DENND2C: variants seen among roughly 807,000 people sequenced by gnomAD.
The protein encoded by DENND2C is DENN domain containing 2C.
In DENND2C, 72 loss-of-function variants were observed where a neutral mutation model predicts 112.4. The observed-to-expected ratio is 0.64, with a 90% CI of 0.53 to 0.78. DENND2C has a LOEUF of 0.78. Among genes scored for constraint, DENND2C ranks in the 30% least tolerant of loss-of-function variants. DENND2C has a pLI of 0.00. For missense variants in DENND2C, 992 were observed against 1,113.8 expected, an observed-to-expected ratio of 0.89 and a Z score of 1.56; for synonymous variants, 329 against 381.6, an observed-to-expected ratio of 0.86 and a Z score of 1.61.
chr1:114,668,313 T>C lies in DENND2C; in HGVS notation c.-574+1670A>G, dbSNP rs1026947264. Among the ~76,000 whole-genome samples, 7 of 152,132 alleles carry C rather than the reference T, an allele frequency of 4.6e-5. No homozygotes were observed. The East Asian group carries it at 1.3e-3, about 29-fold the overall frequency. On this transcript the variant is annotated intron_variant, in intron 1 of 20. Coordinates refer to ENST00000393274, the MANE Select transcript of DENND2C (RefSeq NM_001256404.2). ...ACTTCTAAAGCAACACACACAAAAA[T>C]TACATTCACTAGTAACTTTCCCTCT...
intron 2 of DENND2C, among the ~76,000 whole-genome samples, chr1:114,647,686 G>A (rs1368892251): frequency 6.6e-6 from 1 of 152,070 alleles, no homozygotes; most frequent in Admixed American, 6.6e-5. Context: ...CTCCCAAAGT[G>A]CTGAGATTAC....
chr1:114,602,097 C>A, intron 12 of DENND2C, 28 bp downstream of exon 12: 2 of 1,612,144 alleles, frequency 1.2e-6, no homozygotes, highest in Non-Finnish European at 1.7e-6. Flanking sequence ...TTGACCAACC[C>A]TGTCTGTAAC....
intron 1 of DENND2C, among the ~76,000 whole-genome samples, chr1:114,657,755 T>C (rs1570816223): frequency 1.3e-5 from 2 of 152,172 alleles, no homozygotes; most frequent in South Asian, 2.1e-4. Context: ...AATAGACGAA[T>C]AGACAATAGA....
chr1:114,653,082 T>C (rs1051336159), intron 2 of DENND2C, among the ~76,000 whole-genome samples: 5 of 152,096 alleles, frequency 3.3e-5, no homozygotes, highest in Non-Finnish European at 5.9e-5. Flanking sequence ...TGATCAGTTG[T>C]ACCAATAAAG....
chr1:114,607,143 A>T, intron 10 of DENND2C, among the ~76,000 whole-genome samples: 1 of 152,246 alleles, frequency 6.6e-6, no homozygotes, highest in Non-Finnish European at 1.5e-5. Context: ...GGAGAACAGG[A>T]CAACAAGAGA....
intron 3 of DENND2C, among the ~76,000 whole-genome samples, chr1:114,635,821 A>T (rs558624442): frequency 1.3e-5 from 2 of 152,070 alleles, no homozygotes; most frequent in Non-Finnish European, 2.9e-5. Context: ...AGCCTAGGGA[A>T]CATGGTGAAA....
At chr1:114,601,110 A>C in intron 13 of DENND2C, 150 bp from the exon 14 acceptor site, 3 of 821,338 alleles carry the variant, frequency 3.7e-6, no homozygotes, top group Non-Finnish European at 5.4e-6. Flanking sequence ...TAAAAGTTAA[A>C]TAAGCATCAT....
intron 11 of DENND2C, among the ~76,000 whole-genome samples, chr1:114,604,449 A>T (rs1205849574): frequency 6.6e-6 from 1 of 152,206 alleles, no homozygotes; most frequent in African/African-American, 2.4e-5. Context: ...AATATACTAC[A>T]CTTCCCAAAC....
chr1:114,585,881 T>C (rs1184837857), intron 20 of DENND2C, among the ~76,000 whole-genome samples: 1 of 152,176 alleles, frequency 6.6e-6, no homozygotes, highest in African/African-American at 2.4e-5. Flanking sequence ...ACCTTGACTA[T>C]AGGTTAAAAT....
intron 3 of DENND2C, among the ~76,000 whole-genome samples, chr1:114,640,181 T>C (rs1656785519): frequency 6.6e-6 from 1 of 152,232 alleles, no homozygotes; most frequent in South Asian, 2.1e-4. Flanking sequence ...GATTTTCCCT[T>C]GGCTCCATAA....
At chr1:114,643,879 A>ATCCC (rs1485126584) in intron 3 of DENND2C, among the ~76,000 whole-genome samples, 2 of 152,240 alleles carry the variant, frequency 1.3e-5, no homozygotes, top group Non-Finnish European at 2.9e-5. Flanking sequence ...ATTTTGAGGC[A>ATCCC]TAAGCCAAAG....
chr1:114,585,465 T>C lies in DENND2C; in HGVS notation c.*135A>G. 2 of 879,552 alleles carry C rather than the reference T, an allele frequency of 2.3e-6. No individual in the cohort carries two copies. The allele number at this position is 879,552 out of a possible 1,614,324, so 54.5% of individuals were successfully genotyped here. A position where few individuals can be genotyped will look rare whatever the true frequency, so the allele number is the denominator to read the frequency against. On this transcript the variant is annotated 3_prime_UTR_variant, in exon 21 of 21. Coordinates refer to ENST00000393274, the MANE Select transcript of DENND2C (RefSeq NM_001256404.2). ...CAGCAGCAACAGGAGAATCCTCCTCTAACAGCCTGACTCGCTCTTTAACCT... is the reference window on the plus strand; with the variant it reads ...CAGCAGCAACAGGAGAATCCTCCTCCAACAGCCTGACTCGCTCTTTAACCT...
At chr1:114,611,778 AACACACACACACACAC>A (rs6143386) in intron 8 of DENND2C, among the ~76,000 whole-genome samples, 1 of 148,362 alleles carries the variant, frequency 6.7e-6, no homozygotes, top group Non-Finnish European at 1.5e-5. Flanking sequence ...GAGCACAGGC[AACACACACACACACAC>A]ACACACACAC....
At position 114,611,076 on chromosome 1, in the gene DENND2C, T is replaced by C; in HGVS notation, c.1366A>G (p.Lys456Glu). ...GCAGCCCCATTGACTCACTCACTCT[T>C]TGGCAGATACTCGGCATCACTTTCG... is the stretch of plus-strand genomic sequence containing the variant. ...GNESDAEYLPKNRHKRLAQLQ... is the reference protein window; with the variant it reads ...GNESDAEYLPENRHKRLAQLQ... Residue 456 changes from lysine to glutamate, a missense_variant, in exon 9 of 21, where the codon AAG becomes GAG. This residue lies in a region of DENND2C where 516 missense variants were observed against 623.6 expected (regional missense o/e 0.83). Transcript: ENST00000393274. The C allele has an allele frequency of 6.2e-7, 1 of 1,614,186 alleles. No individual in the cohort carries two copies. The highest frequency in any genetic ancestry group is 8.5e-7 in the Non-Finnish European group (1 of 1,180,016).
Position 114,600,377 on chromosome 1 carries a change from G to A in DENND2C, c.1957-25C>T. ...ACTGAAATGCAAGAAGTTGAATCAG[G>A]TGAGCTAATGTTGGAAAACAATCCC... On this transcript the variant is annotated intron_variant, in intron 14 of 20. Transcript: ENST00000393274. The A allele has an allele frequency of 2.5e-6, 4 of 1,612,990 alleles. 1 individual carries two copies. In the South Asian group the frequency reaches 3.3e-5, roughly 13 times the overall value.
At chr1:114,626,761 C>A (rs1656355829) in intron 3 of DENND2C, among the ~76,000 whole-genome samples, 1 of 152,050 alleles carries the variant, frequency 6.6e-6, no homozygotes, top group South Asian at 2.1e-4. Context: ...AATCCACCCC[C>A]TTGGCCTCCA....
intron 1 of DENND2C, among the ~76,000 whole-genome samples, chr1:114,668,520 A>AAC (rs71580644): frequency 0.41 from 59,950 of 146,756 alleles, 12,280 homozygotes; most frequent in South Asian, 0.47. Flanking sequence ...TGCCACATTC[A>AAC]ACACACACAC....
chr1:114,586,465 GAAAT>G (rs2101636530), intron 20 of DENND2C, among the ~76,000 whole-genome samples: 1 of 152,200 alleles, frequency 6.6e-6, no homozygotes, highest in South Asian at 2.1e-4. Context: ...AACATATCAT[GAAAT>G]AAATAAACTT....
intron 8 of DENND2C, 87 bp from the exon 9 acceptor site, chr1:114,611,204 G>A: frequency 2.1e-6 from 3 of 1,455,466 alleles, no homozygotes; most frequent in Non-Finnish European, 2.9e-6. Context: ...ACAAACCTGG[G>A]GACTTGGAGT....
Sources: gnomAD v4.1 joint callset for allele counts (sites outside exome capture counted in the v4.1 genomes callset) on GRCh38, gnomAD v4.1.1 for gene constraint, gnomAD v4.1.1 regional missense constraint, MANE v1.5 for transcripts, NCBI Gene and HGNC (gene_info 2026-07-23, HGNC 2026-07-21) for gene names.